Variants in PVT1 observed in about 807,000 individuals in gnomAD.
PVT1 encodes the protein Pvt1 oncogene, also known as CXCR4/PVT1 fusion.
rs57122770 is a variant in PVT1 at position 127,941,720 on chromosome 8, C to T, written n.783-47442C>T. Among the ~76,000 whole-genome samples the T allele has an allele frequency of 3.7e-3, 569 of 152,244 alleles. 4 individuals carry two copies. Among genetic ancestry groups the T allele is most frequent in the African/African-American group, 0.013 (532 of 41,538 alleles). ...TATGTGAACACCGTGATCATCATGC[C>T]TTTGCAAATTTTATTCTGATTTAGG... is the stretch of plus-strand genomic sequence containing the variant. On this transcript the variant is annotated intron_variant and non_coding_transcript_variant, in intron 3 of 10. Coordinates refer to ENST00000651587, the Ensembl canonical transcript of PVT1.
chr8:127,837,898 AT>A (rs778300631), intron 2 of PVT1, among the ~76,000 whole-genome samples: 3,303 of 138,986 alleles, frequency 0.024, 160 homozygotes, highest in Admixed American at 0.12. Flanking sequence ...ATTATTTATG[AT>A]TTTTTTTTTT....
At chr8:127,877,220 G>A (rs1815416423) in intron 2 of PVT1, among the ~76,000 whole-genome samples, 1 of 152,178 alleles carries the variant, frequency 6.6e-6, no homozygotes, top group Admixed American at 6.5e-5. Context: ...GATGGCCCCC[G>A]AGGGGACTTG....
intron 3 of PVT1, among the ~76,000 whole-genome samples, chr8:127,936,350 T>G (rs541271487): frequency 1.1e-4 from 16 of 152,172 alleles, no homozygotes; most frequent in Admixed American, 1.0e-3. Flanking sequence ...CCCCACCTGG[T>G]CGACAGTGTC....
At chr8:128,007,329 TATAAG>T (rs1817259174) in intron 4 of PVT1, among the ~76,000 whole-genome samples, 1 of 152,190 alleles carries the variant, frequency 6.6e-6, no homozygotes, top group South Asian at 2.1e-4. Flanking sequence ...GTACTGTGTA[TATAAG>T]ATGTCAAAAT....
At chr8:127,864,060 C>T (rs573321494) in intron 2 of PVT1, among the ~76,000 whole-genome samples, 25 of 152,328 alleles carry the variant, frequency 1.6e-4, no homozygotes, top group African/African-American at 5.8e-4. Flanking sequence ...TTTCCTGGGC[C>T]TGCCATCCAA....
At position 128,004,970 on chromosome 8, in the gene PVT1, G is replaced by A. The variant is rs187734386; in HGVS notation, n.912+15679G>A. 5.2e-3 allele frequency among the ~76,000 whole-genome samples: 787 copies of A among 152,078 alleles called. 1 individual carries two copies. The highest frequency in any genetic ancestry group is 8.7e-3 in the Admixed American group (133 of 15,272). On this transcript the variant is annotated intron_variant and non_coding_transcript_variant, in intron 4 of 10. Coordinates refer to ENST00000651587, the Ensembl canonical transcript of PVT1. ...AACCTGACTAACATGGAGAAACCCC[G>A]TCTCTACTAAAAATACAAAATTAGC... is the stretch of plus-strand genomic sequence containing the variant.
At chr8:127,963,570 C>G (rs1170938976) in intron 3 of PVT1, among the ~76,000 whole-genome samples, 1 of 152,138 alleles carries the variant, frequency 6.6e-6, no homozygotes, top group East Asian at 1.9e-4. Flanking sequence ...CAGCACCCCC[C>G]ACCCCCCTCC....
intron 3 of PVT1, among the ~76,000 whole-genome samples, chr8:127,934,964 C>T (rs1042913213): frequency 6.6e-6 from 1 of 152,052 alleles, no homozygotes; most frequent in African/African-American, 2.4e-5. Context: ...ACCAGGCCCT[C>T]TCCTAAGTTC....
At chr8:128,017,323 G>C (rs927018778) in intron 4 of PVT1, among the ~76,000 whole-genome samples, 11 of 152,348 alleles carry the variant, frequency 7.2e-5, no homozygotes, top group African/African-American at 2.2e-4. Flanking sequence ...GAGCAGAAAT[G>C]ACCACAGAAG....
At chr8:127,855,110 CTCTG>C in intron 2 of PVT1, 1 of 398,558 alleles carries the variant, frequency 2.5e-6, no homozygotes, top group Non-Finnish European at 4.4e-6. Context: ...TCTCCTCTCT[CTCTG>C]TCTCTCTTTC....
chr8:127,914,059 CAA>C (rs1301497113), intron 3 of PVT1, among the ~76,000 whole-genome samples: 1 of 151,826 alleles, frequency 6.6e-6, no homozygotes, highest in Non-Finnish European at 1.5e-5. Flanking sequence ...TTAGTGGACT[CAA>C]AACCAAAAAG....
At chr8:127,990,588 G>T (rs1586470398) in intron 4 of PVT1, among the ~76,000 whole-genome samples, 1 of 152,234 alleles carries the variant, frequency 6.6e-6, no homozygotes, top group East Asian at 1.9e-4. Context: ...AGGGTGGAAA[G>T]GTGGGTGAGA....
At chr8:127,804,120 G>A (rs1487372418) in intron 2 of PVT1, among the ~76,000 whole-genome samples, 1 of 152,090 alleles carries the variant, frequency 6.6e-6, no homozygotes, top group Non-Finnish European at 1.5e-5. Flanking sequence ...GGAGGCTGAG[G>A]CAGGAAGCTT....
chr8:127,837,890 T>G (rs1010668525), intron 2 of PVT1, among the ~76,000 whole-genome samples: 4 of 151,808 alleles, frequency 2.6e-5, no homozygotes, highest in African/African-American at 9.7e-5. Flanking sequence ...GGGGTGTGAT[T>G]ATTTATGATT....
intron 4 of PVT1, among the ~76,000 whole-genome samples, chr8:127,993,985 A>G (rs1025012966): frequency 6.6e-6 from 1 of 152,178 alleles, no homozygotes; most frequent in African/African-American, 2.4e-5. Context: ...GGAGGCTTGG[A>G]GCAATTGCAT....
At chr8:128,041,506 T>C (rs1454795530) in intron 4 of PVT1, among the ~76,000 whole-genome samples, 1 of 22,744 alleles carries the variant, frequency 4.4e-5, no homozygotes, top group African/African-American at 1.1e-4. Context: ...GGTATGTGTG[T>C]GTGTGTGTAT....
intron 2 of PVT1, among the ~76,000 whole-genome samples, chr8:127,888,132 G>A (rs1184216914): frequency 6.6e-6 from 1 of 151,572 alleles, no homozygotes; most frequent in Non-Finnish European, 1.5e-5. Context: ...AGTAGAGACG[G>A]GGTTTCACCG....
At chr8:127,984,874 T>G (rs937297419) in intron 3 of PVT1, among the ~76,000 whole-genome samples, 1 of 82,406 alleles carries the variant, frequency 1.2e-5, no homozygotes, top group Non-Finnish European at 2.6e-5. Context: ...TCTTTCTTTC[T>G]TTCTTTCTTT....
chr8:127,974,868 A>G (rs181823848), intron 3 of PVT1, among the ~76,000 whole-genome samples: 92 of 152,354 alleles, frequency 6.0e-4, no homozygotes, highest in Non-Finnish European at 1.1e-3. Context: ...ATGATTTTAT[A>G]TAGTCATAGG....
Sources: allele counts gnomAD v4.1 joint callset (sites outside exome capture counted in the v4.1 genomes callset), GRCh38; gene constraint gnomAD v4.1.1; transcripts MANE v1.5; gene names NCBI Gene and HGNC (gene_info 2026-07-23, HGNC 2026-07-21).